Variants in KLF12 observed in about 807,000 individuals in gnomAD.
KLF12 encodes Krueppel-like factor 12.
KLF12 carries 9 observed loss-of-function variants against 37.8 expected under a neutral mutation model. The ratio of observed to expected loss-of-function variants is 0.24; its 90% CI spans 0.14 to 0.42. The LOEUF (loss-of-function observed/expected upper bound fraction) is 0.42, where lower values mean the gene tolerates loss of function less well. Ranked by LOEUF, KLF12 falls within the 10% of genes least tolerant of loss-of-function variation. The pLI is 1.00. For synonymous variants in KLF12, 208 were observed against 202.1 expected (o/e 1.03, Z -0.25); for missense variants, 411 against 516.0 (o/e 0.80, Z 1.97).
At chr13:73,741,018 G>A (rs147325156) in intron 6 of KLF12, among the ~76,000 whole-genome samples, 23 of 152,324 alleles carry the variant, frequency 1.5e-4, no homozygotes, top group African/African-American at 5.5e-4. Context: ...CAGTCTCAAA[G>A]TGCTAACGGC....
At chr13:73,969,869 T>A (rs1891278911) in intron 2 of KLF12, among the ~76,000 whole-genome samples, 1 of 152,174 alleles carries the variant, frequency 6.6e-6, no homozygotes, top group Non-Finnish European at 1.5e-5. Flanking sequence ...AGAGAAAATG[T>A]TTTATGTTTA....
At chr13:73,930,927 G>T (rs1044820665) in intron 3 of KLF12, among the ~76,000 whole-genome samples, 8 of 142,810 alleles carry the variant, frequency 5.6e-5, no homozygotes, top group Non-Finnish European at 1.2e-4. Context: ...GCAATGGCGC[G>T]ATCTCGGCTC....
chr13:73,914,176 A>G (rs1008419112), intron 3 of KLF12, among the ~76,000 whole-genome samples: 2 of 152,026 alleles, frequency 1.3e-5, no homozygotes, highest in Admixed American at 6.6e-5. Flanking sequence ...CTTATTTCTG[A>G]TATCTGCTCC....
At chr13:74,227,969 G>A in the KLF12 span, among the ~76,000 whole-genome samples, 1 of 152,122 alleles carries the variant, frequency 6.6e-6, no homozygotes, top group Admixed American at 6.6e-5. Flanking sequence ...CCTTAGACGA[G>A]CCAAAGATCA....
intron 1 of KLF12, among the ~76,000 whole-genome samples, chr13:74,067,088 C>T (rs1873961772): frequency 6.6e-6 from 1 of 152,080 alleles, no homozygotes; most frequent in African/African-American, 2.4e-5. Context: ...ACAAGAAAAC[C>T]CTCAAAGTTT....
intron 3 of KLF12, among the ~76,000 whole-genome samples, chr13:73,855,257 T>C (rs1384279374): frequency 6.6e-6 from 1 of 152,140 alleles, no homozygotes; most frequent in African/African-American, 2.4e-5. Context: ...CCACCCCCAA[T>C]AGTACCCAGA....
chr13:73,857,391 C>T (rs1885663506), intron 3 of KLF12, among the ~76,000 whole-genome samples: 1 of 152,164 alleles, frequency 6.6e-6, no homozygotes, highest in Admixed American at 6.5e-5. Flanking sequence ...TGTAAAGATA[C>T]TGAATGAAAT....
intron 1 of KLF12, among the ~76,000 whole-genome samples, chr13:74,072,924 C>G (rs1386762883): frequency 1.3e-5 from 2 of 152,134 alleles, no homozygotes; most frequent in Non-Finnish European, 2.9e-5. Flanking sequence ...CACTATAGTT[C>G]CCATGATCCC....
At chr13:73,732,201 A>T (rs1339660717) in intron 6 of KLF12, among the ~76,000 whole-genome samples, 1 of 150,360 alleles carries the variant, frequency 6.7e-6, no homozygotes, top group Non-Finnish European at 1.5e-5. Flanking sequence ...CTCCTGTCTT[A>T]GCTTCCTGAG....
intron 1 of KLF12, among the ~76,000 whole-genome samples, chr13:74,054,883 T>C (rs954050302): frequency 6.6e-6 from 1 of 152,230 alleles, no homozygotes; most frequent in Non-Finnish European, 1.5e-5. Flanking sequence ...AATTTGAAAT[T>C]AGCAAAGACT....
chr13:73,733,631 T>C (rs1352245000), intron 6 of KLF12, among the ~76,000 whole-genome samples: 3 of 152,174 alleles, frequency 2.0e-5, no homozygotes, highest in African/African-American at 7.2e-5. Flanking sequence ...ATAACGCTGT[T>C]ATGACCAGTA....
the KLF12 span, among the ~76,000 whole-genome samples, chr13:74,298,543 T>C: frequency 2.6e-4 from 40 of 152,292 alleles, no homozygotes; most frequent in African/African-American, 9.6e-4. Context: ...AGTGTTTATA[T>C]TAATATACAG....
At chr13:74,234,737 C>G in the KLF12 span, among the ~76,000 whole-genome samples, 23,893 of 150,754 alleles carry the variant, frequency 0.16, 2,680 homozygotes, top group African/African-American at 0.33. Context: ...CCACTCTTAC[C>G]TCTTATTCGG....
intron 3 of KLF12, among the ~76,000 whole-genome samples, chr13:73,890,371 A>G (rs1887445142): frequency 6.6e-6 from 1 of 152,092 alleles, no homozygotes; most frequent in South Asian, 2.1e-4. Flanking sequence ...TTCCCATAAA[A>G]ACAGCCAAAA....
At chr13:73,923,129 T>TA (rs1889202203) in intron 3 of KLF12, among the ~76,000 whole-genome samples, 1 of 152,230 alleles carries the variant, frequency 6.6e-6, no homozygotes. Context: ...GTATTTTTTT[T>TA]ATCTTCTAAA....
intron 1 of KLF12, among the ~76,000 whole-genome samples, chr13:74,118,155 T>C (rs1030416319): frequency 2.6e-5 from 4 of 152,208 alleles, no homozygotes; most frequent in Admixed American, 6.5e-5. Context: ...TAAAATTATA[T>C]GTCTGAAATT....
chr13:73,867,010 C>A (rs1333332438), intron 3 of KLF12, among the ~76,000 whole-genome samples: 1 of 151,478 alleles, frequency 6.6e-6, no homozygotes, highest in Non-Finnish European at 1.5e-5. Context: ...ATAGGATAAA[C>A]CACTGAAAAT....
intron 2 of KLF12, among the ~76,000 whole-genome samples, chr13:73,973,792 C>T: frequency 6.6e-6 from 1 of 152,114 alleles, no homozygotes; most frequent in African/African-American, 2.4e-5. Context: ...AAAGCACTCA[C>T]TCCTAACATT....
the KLF12 span, among the ~76,000 whole-genome samples, chr13:74,235,728 G>A: frequency 6.6e-6 from 1 of 152,130 alleles, no homozygotes; most frequent in East Asian, 1.9e-4. Flanking sequence ...GACATATCCA[G>A]AAAGTAGATT....
Sources: allele counts gnomAD v4.1 joint callset (sites outside exome capture counted in the v4.1 genomes callset), GRCh38; gene constraint gnomAD v4.1.1; transcripts MANE v1.5; gene names NCBI Gene and HGNC (gene_info 2026-07-23, HGNC 2026-07-21).